Variants in NEURL1B observed in about 807,000 individuals in gnomAD.
The protein encoded by NEURL1B is neuralized E3 ubiquitin protein ligase 1B, also known as E3 ubiquitin-protein ligase NEURL1B.
In NEURL1B, 13 loss-of-function variants were observed where a neutral mutation model predicts 37.4. That is an observed-to-expected ratio of 0.35 (90% CI 0.23 to 0.55). The LOEUF (loss-of-function observed/expected upper bound fraction) is 0.55. Ranked by LOEUF, NEURL1B falls within the 20% of genes least tolerant of loss-of-function variation. The probability of loss-of-function intolerance (pLI) is 0.89; values close to 1 mark genes in which losing one functional copy is unlikely to be tolerated. For missense variants in NEURL1B, 790 were observed against 879.2 expected (o/e 0.90, Z 1.28); for synonymous variants, 432 against 426.6 (o/e 1.01, Z -0.16).
At position 172,641,815 on chromosome 5, in the gene NEURL1B, A is replaced by T. The variant is rs1025468549; in HGVS notation, c.31+378A>T. 2.6e-5 allele frequency among the ~76,000 whole-genome samples: 4 copies of T among 152,184 alleles called. No individual in the cohort carries two copies. Among genetic ancestry groups the T allele is most frequent in the African/African-American group, 9.6e-5 (4 of 41,458 alleles). On this transcript the variant is annotated intron_variant, in intron 1 of 4. Transcript: ENST00000369800. The surrounding 1 kb of genome is among the most constrained non-coding windows in gnomAD (Gnocchi z 6.4). ...GGAGCCGGGCTCGCCAGGGCTTCCG[A>T]CGGTCAGAAGCCACCCGTGGTGCCA...
At position 172,687,073 on chromosome 5, in the gene NEURL1B, A is replaced by T; in HGVS notation, c.*148A>T. 2.1e-6 allele frequency: 2 copies of T among 951,070 alleles called. No homozygotes were observed. The highest frequency in any genetic ancestry group is 3.0e-6 in the Non-Finnish European group (2 of 658,104). The allele number at this position is 951,070 out of a possible 1,614,324, so 58.9% of individuals were successfully genotyped here. A position where few individuals can be genotyped will look rare whatever the true frequency, so the allele number is the denominator to read the frequency against. ...GTGTGACAGTCGTGGAGCGAGGCCCACAGGGCCTCAGCCCAGGCAGGGGTT... is the reference window on the plus strand; with the variant it reads ...GTGTGACAGTCGTGGAGCGAGGCCCTCAGGGCCTCAGCCCAGGCAGGGGTT... On this transcript the variant is annotated 3_prime_UTR_variant, in exon 5 of 5. Coordinates refer to ENST00000369800, the MANE Select transcript of NEURL1B (RefSeq NM_001142651.3).
intron 1 of NEURL1B, among the ~76,000 whole-genome samples, chr5:172,653,311 C>T (rs1213564102): frequency 1.3e-5 from 2 of 152,192 alleles, no homozygotes; most frequent in Non-Finnish European, 2.9e-5. Context: ...AATCCAAACA[C>T]CATTTTATAT....
rs555692891 is a variant in NEURL1B, at chr5:172,649,888, C to T, written c.31+8451C>T. Among the ~76,000 whole-genome samples, 8 of 152,238 alleles carry T rather than the reference C, an allele frequency of 5.3e-5. No individual in the cohort carries two copies. In the South Asian group the frequency reaches 1.4e-3, roughly 28 times the overall value. On this transcript the variant is annotated intron_variant, in intron 1 of 4. Coordinates refer to ENST00000369800, the MANE Select transcript of NEURL1B (RefSeq NM_001142651.3). ...ATCCCAGGACCACAGACCCAGCAAA[C>T]TCATCCCTTCTTCTCCTTTCATCTT... is the stretch of plus-strand genomic sequence containing the variant.
rs544581607 is a variant in NEURL1B at position 172,643,272 on chromosome 5, C to T, written c.31+1835C>T. On this transcript the variant is annotated intron_variant, in intron 1 of 4. Coordinates refer to ENST00000369800, the MANE Select transcript of NEURL1B (RefSeq NM_001142651.3). ...CAGAACCGGAATTCCTGAGTCACAT[C>T]GGGTGGCAGATGCCAAGAATATGAA... 9.2e-5 allele frequency among the ~76,000 whole-genome samples: 14 copies of T among 152,272 alleles called. No individual in the cohort carries two copies. In the South Asian group the frequency reaches 2.9e-3, roughly 32 times the overall value.
At position 172,683,621 on chromosome 5, in the gene NEURL1B, G is replaced by A. The variant is rs1758411967; in HGVS notation, c.780G>A (p.Pro260=). 3.2e-6 allele frequency: 4 copies of A among 1,252,102 alleles called. No homozygotes were observed. The East Asian group carries it at 1.6e-4, about 50-fold the overall frequency. The allele number at this position is 1,252,102 out of a possible 1,614,324, so 77.6% of individuals were successfully genotyped here. A position where few individuals can be genotyped will look rare whatever the true frequency, so the allele number is the denominator to read the frequency against. The part of the protein sequence containing the change: ...PPADAAAAAI[P]CGPRERPRPA... ...CCGACGCCGCGGCCGCCGCCATTCC[G>A]TGCGGGCCCCGTGAGCGCCCGCGGC... The change falls in exon 3 of 5, where the codon CCG becomes CCA. Residue 260 remains proline, a synonymous_variant. Coordinates refer to ENST00000369800, the MANE Select transcript of NEURL1B (RefSeq NM_001142651.3). This position sits in a 1 kb window ranked among gnomAD's most constrained non-coding sequence, Gnocchi z 5.6.
chr5:172,674,351 T>G (rs372521127), intron 2 of NEURL1B, among the ~76,000 whole-genome samples: 4 of 152,080 alleles, frequency 2.6e-5, no homozygotes, highest in African/African-American at 9.7e-5. Context: ...AGTATCCTCC[T>G]GCACAGAGTC....
chr5:172,672,545 C>CCT lies in NEURL1B; in HGVS notation c.577+2216_577+2217insTC, dbSNP rs887977714. Among the ~76,000 whole-genome samples, 9 of 130,736 alleles carry CCT rather than the reference C, an allele frequency of 6.9e-5. No homozygotes were observed. The East Asian group carries it at 1.3e-3, about 18-fold the overall frequency. The allele number at this position is 130,736 out of a possible 152,430, so 85.8% of individuals were successfully genotyped here. ...TAAATCTGTGAGGTGAACTCTCCCC[C>CCT]CCCCACTCTATTTCCTTATTCAGCA... On this transcript the variant is annotated intron_variant, in intron 2 of 4. Coordinates refer to ENST00000369800, the MANE Select transcript of NEURL1B (RefSeq NM_001142651.3).
At position 172,656,572 on chromosome 5, in the gene NEURL1B, C is replaced by T. The variant is rs190527839; in HGVS notation, c.32-13213C>T. On this transcript the variant is annotated intron_variant, in intron 1 of 4. Transcript: ENST00000369800. ...CCTATGGCCAAGAGCCCCTTCCCCG[C>T]GGCCTTCGCTTTTAGCTCCTCGAGT... The T allele has an allele frequency of 1.4e-4, 232 of 1,611,130 alleles. 1 individual carries two copies. Among genetic ancestry groups the T allele is most frequent in the Admixed American group, 8.8e-4 (53 of 59,972 alleles).
At position 172,647,577 on chromosome 5, in the gene NEURL1B, G is replaced by T. The variant is rs1451392336; in HGVS notation, c.31+6140G>T. Among the ~76,000 whole-genome samples the T allele has an allele frequency of 6.6e-6, 1 of 152,086 alleles. No homozygotes were observed. The highest frequency in any genetic ancestry group is 6.5e-5 in the Admixed American group (1 of 15,272). The stretch of plus-strand genomic sequence containing the variant: ...CTCTTGCGGCTCCTCTTGCTGACTT[G>T]CTGCTGCCCCTTGTCCTCGTCCTGA... On this transcript the variant is annotated intron_variant, in intron 1 of 4. Transcript: ENST00000369800. This position sits in a 1 kb window ranked among gnomAD's most constrained non-coding sequence, Gnocchi z 4.2.
At chr5:172,682,875 C>T (rs1758386068) in intron 2 of NEURL1B, among the ~76,000 whole-genome samples, 1 of 152,170 alleles carries the variant, frequency 6.6e-6, no homozygotes, top group African/African-American at 2.4e-5. Context: ...CCTCAGTTTC[C>T]CTGTGAGCTC....
At chr5:172,658,473 A>G (rs1401306339) in intron 1 of NEURL1B, among the ~76,000 whole-genome samples, 1 of 152,168 alleles carries the variant, frequency 6.6e-6, no homozygotes, top group African/African-American at 2.4e-5. Context: ...GCATCTCCAG[A>G]GAAGGACGAG....
chr5:172,684,334 G>A (rs1244309129), intron 3 of NEURL1B, among the ~76,000 whole-genome samples, 196 bp downstream of exon 3: 1 of 152,086 alleles, frequency 6.6e-6, no homozygotes, highest in African/African-American at 2.4e-5. Context: ...CCAGAGTTCC[G>A]GATTCAGTGG....
chr5:172,683,894 GC>G lies in NEURL1B; in HGVS notation c.1056del (p.Asn353ThrfsTer107). On this transcript the variant is annotated frameshift_variant, in exon 3 of 5. Transcript: ENST00000369800. LOFTEE classifies it high-confidence loss of function. This position sits in a 1 kb window ranked among gnomAD's most constrained non-coding sequence, Gnocchi z 5.6. ...ITSCDPGVLR[P>X]NELPADPDAL... The stretch of plus-strand genomic sequence containing the variant: ...CGTCGTGCGACCCGGGCGTGCTACG[GC>G]CCAACGAGCTGCCCGCCGACCCAGA... 7.1e-7 allele frequency: 1 copy of G among 1,414,882 alleles called. No individual in the cohort carries two copies. Among genetic ancestry groups the G allele is most frequent in the Admixed American group, 2.5e-5 (1 of 40,458 alleles). 87.6% of individuals were successfully genotyped at this position (1,414,882 alleles called of 1,614,324 possible).
chr5:172,668,958 C>G (rs772754287), intron 1 of NEURL1B, among the ~76,000 whole-genome samples: 46 of 152,188 alleles, frequency 3.0e-4, no homozygotes, highest in Non-Finnish European at 5.9e-4. Flanking sequence ...TCCGGAAAAG[C>G]CAACGTTGCT....
intron 2 of NEURL1B, among the ~76,000 whole-genome samples, chr5:172,674,620 G>T (rs1390847248): frequency 2.6e-5 from 4 of 152,176 alleles, no homozygotes; most frequent in Non-Finnish European, 4.4e-5. Flanking sequence ...CAGGTGTTAG[G>T]ATTTCTTAAG....
Position 172,641,466 on chromosome 5 carries a change from G to A in NEURL1B, c.31+29G>A. ...CGCCGGGGAGCCCTGCCCGGGAGGC[G>A]GGCGCCGGGCTTCTCTCCTCCGGGG... On this transcript the variant is annotated intron_variant, in intron 1 of 4. Coordinates refer to ENST00000369800, the MANE Select transcript of NEURL1B (RefSeq NM_001142651.3). This position sits in a 1 kb window ranked among gnomAD's most constrained non-coding sequence, Gnocchi z 6.4. 7.7e-7 allele frequency: 1 copy of A among 1,298,378 alleles called. No homozygotes were observed. The allele number at this position is 1,298,378 out of a possible 1,614,324, so 80.4% of individuals were successfully genotyped here. A position where few individuals can be genotyped will look rare whatever the true frequency, so the allele number is the denominator to read the frequency against.
chr5:172,644,057 A>C lies in NEURL1B; in HGVS notation c.31+2620A>C, dbSNP rs189108315. On this transcript the variant is annotated intron_variant, in intron 1 of 4. Transcript: ENST00000369800. ...AAGTTTCTCCTTAGCACGTGTCACTATGCGACACGCTGTATGTGTAGTTAG... is the reference window on the plus strand; with the variant it reads ...AAGTTTCTCCTTAGCACGTGTCACTCTGCGACACGCTGTATGTGTAGTTAG... 2.1e-3 allele frequency among the ~76,000 whole-genome samples: 321 copies of C among 152,058 alleles called. 1 individual carries two copies. The highest frequency in any genetic ancestry group is 3.6e-3 in the Non-Finnish European group (243 of 67,998).
rs989961547 is a variant in NEURL1B at position 172,649,450 on chromosome 5, C to G, written c.31+8013C>G. Among the ~76,000 whole-genome samples the G allele has an allele frequency of 4.7e-5, 7 of 149,462 alleles. 1 individual carries two copies. The South Asian group carries it at 1.5e-3, about 32-fold the overall frequency. On this transcript the variant is annotated intron_variant, in intron 1 of 4. Transcript: ENST00000369800. ...AATCTTGGCTCACTGCAACCTTTGC[C>G]TCCCGGGTTCAAGCAACTCTCCTGC...
In NEURL1B at chr5:172,689,579, C is replaced by G. The variant is rs1758590181; in HGVS notation, c.*2654C>G. 2 of 152,212 alleles carry G rather than the reference C, an allele frequency of 1.3e-5. No homozygotes were observed. The highest frequency in any genetic ancestry group is 1.3e-4 in the Admixed American group (2 of 15,286). The allele number at this position is 152,212 out of a possible 1,614,324, so 9.4% of individuals were successfully genotyped here. A position where few individuals can be genotyped will look rare whatever the true frequency, so the allele number is the denominator to read the frequency against. On this transcript the variant is annotated 3_prime_UTR_variant, in exon 5 of 5. Coordinates refer to ENST00000369800, the MANE Select transcript of NEURL1B (RefSeq NM_001142651.3). ...ACAATCTATGAAAGCTGGTGTTATC[C>G]CACTTGGCAGGTAAGGAAACTGAGG...
Sources: allele counts gnomAD v4.1 joint callset (sites outside exome capture counted in the v4.1 genomes callset), GRCh38; gene constraint gnomAD v4.1.1; non-coding constraint Gnocchi (gnomAD v3.1); transcripts MANE v1.5; gene names NCBI Gene and HGNC (gene_info 2026-07-23, HGNC 2026-07-21).